ANKRD46: variants seen among roughly 807,000 people sequenced by gnomAD.
ANKRD46 encodes the protein ankyrin repeat domain 46.
Under a neutral mutation model 19.8 loss-of-function variants are expected in ANKRD46, and 13 were observed. The observed-to-expected ratio is 0.66, with a 90% CI of 0.43 to 1.04. ANKRD46 has a LOEUF of 1.04. ANKRD46 is among the 50% of genes least tolerant of loss of function. The pLI, the probability that ANKRD46 is intolerant of heterozygous loss-of-function variation, is 0.00. For missense variants in ANKRD46, 185 were observed against 274.8 expected (o/e 0.67, Z 2.31); for synonymous variants, 91 against 106.9 (o/e 0.85, Z 0.92).
chr8:100,521,056 C>G lies in ANKRD46; in HGVS notation c.*1499G>C, dbSNP rs769913228. The G allele has an allele frequency of 1.1e-4, 104 of 984,854 alleles. No individual in the cohort carries two copies. In the Middle Eastern group the frequency reaches 2.1e-3, roughly 20 times the overall value. The allele number at this position is 984,854 out of a possible 1,614,324, so 61.0% of individuals were successfully genotyped here. On this transcript the variant is annotated 3_prime_UTR_variant, in exon 5 of 5. Transcript: ENST00000335659. ...CAACTATGATTTACTTTGTTTGTAT[C>G]TAACCTAAAAGCAAGACTCTGCAAG...
chr8:100,536,961 G>T lies in ANKRD46; in HGVS notation c.-130-3650C>A, dbSNP rs146355293. On this transcript the variant is annotated intron_variant, in intron 1 of 4. Coordinates refer to ENST00000335659, the MANE Select transcript of ANKRD46 (RefSeq NM_001270377.2). The surrounding 1 kb of genome is among the most constrained non-coding windows in gnomAD (Gnocchi z 4.9). ...CACATGACGCAGTCACTTAGATCGC[G>T]GCAACAAGAGCTTCTTATGTCAACC... Among the ~76,000 whole-genome samples, 2 of 152,226 alleles carry T rather than the reference G, an allele frequency of 1.3e-5. No individual in the cohort carries two copies. The highest frequency in any genetic ancestry group is 4.8e-5 in the African/African-American group (2 of 41,534).
In ANKRD46 at chr8:100,510,689, G is replaced by C. The variant is rs895301196; in HGVS notation, c.637-50C>G. On this transcript the variant is annotated intron_variant, in intron 5 of 5. Coordinates refer to the ANKRD46 transcript ENST00000520552. The surrounding 1 kb of genome is among the most constrained non-coding windows in gnomAD (Gnocchi z 4.9). Reference sequence around the variant, plus strand: ...AAAAAAAAAAAAAAATCCCAGTTCTGTTAAGCTGCAGAGATGTGCCAGGAC... The same window carrying C: ...AAAAAAAAAAAAAAATCCCAGTTCTCTTAAGCTGCAGAGATGTGCCAGGAC... The C allele has an allele frequency of 1.4e-6, 2 of 1,446,520 alleles. No homozygotes were observed. The highest frequency in any genetic ancestry group is 9.3e-7 in the Non-Finnish European group (1 of 1,071,754). 89.6% of individuals were successfully genotyped at this position (1,446,520 alleles called of 1,614,324 possible).
rs1010883635 is a variant in ANKRD46 at position 100,544,877 on chromosome 8, ACT to A, written c.-130-11568_-130-11567del. 1.3e-5 allele frequency among the ~76,000 whole-genome samples: 2 copies of A among 152,158 alleles called. No individual in the cohort carries two copies. The highest frequency in any genetic ancestry group is 4.8e-5 in the African/African-American group (2 of 41,440). ...GGGGTCAGAGGCAACAATGGGAGCA[ACT>A]CATAGAGTCTGGTGCTCTTCACAGA... is the stretch of plus-strand genomic sequence containing the variant. On this transcript the variant is annotated intron_variant, in intron 1 of 4. Coordinates refer to ENST00000335659, the MANE Select transcript of ANKRD46 (RefSeq NM_001270377.2). The surrounding 1 kb of genome is among the most constrained non-coding windows in gnomAD (Gnocchi z 4.4).
rs150808097 is a variant in ANKRD46, at chr8:100,543,567, A to C, written c.-130-10256T>G. Among the ~76,000 whole-genome samples the C allele has an allele frequency of 3.6e-3, 547 of 152,338 alleles. 7 individuals are homozygous for C. The highest frequency in any genetic ancestry group is 0.013 in the African/African-American group (521 of 41,574). ...ATTATGATTTAAAAATTATTCTTTA[A>C]AATGCTGTCAGAAGATAATGGCTTC... On this transcript the variant is annotated intron_variant, in intron 1 of 4. Transcript: ENST00000335659. This position sits in a 1 kb window ranked among gnomAD's most constrained non-coding sequence, Gnocchi z 4.2.
At chr8:100,516,703 C>A (rs546675934), downstream of ANKRD46, among the ~76,000 whole-genome samples, 4 of 152,170 alleles carry the variant, frequency 2.6e-5, no homozygotes, top group Admixed American at 2.6e-4. Flanking sequence ...ATGAATTCTA[C>A]CTGATCAATT....
chr8:100,528,050 TC>T, intron 3 of ANKRD46, 47 bp from the exon 4 acceptor site: 1 of 1,461,608 alleles, frequency 6.8e-7, no homozygotes. Context: ...AAAGAAGCCA[TC>T]ATAGCAGTTA....
intron 2 of ANKRD46, among the ~76,000 whole-genome samples, chr8:100,530,424 C>A (rs1811935778): frequency 6.6e-6 from 1 of 151,080 alleles, no homozygotes; most frequent in African/African-American, 2.4e-5. Context: ...CGCTCTATTG[C>A]CCAGGCTGGA....
rs901139746 is a variant in ANKRD46, at chr8:100,524,402, A to G, written c.471-1631T>C. Among the ~76,000 whole-genome samples, 3 of 152,196 alleles carry G rather than the reference A, an allele frequency of 2.0e-5. No individual in the cohort carries two copies. Among genetic ancestry groups the G allele is most frequent in the Admixed American group, 6.5e-5 (1 of 15,282 alleles). The stretch of plus-strand genomic sequence containing the variant: ...ACCTACAACTTTATTTTACTTCTTG[A>G]TACCATCAAACAAAAGTCCTTCAGC... On this transcript the variant is annotated intron_variant, in intron 4 of 4. Transcript: ENST00000335659. This position sits in a 1 kb window ranked among gnomAD's most constrained non-coding sequence, Gnocchi z 4.3.
chr8:100,550,416 T>C lies in ANKRD46; in HGVS notation c.-131+9295A>G, dbSNP rs539849601. 5 of 152,526 alleles carry C rather than the reference T, an allele frequency of 3.3e-5. No individual in the cohort carries two copies. The highest frequency in any genetic ancestry group is 1.2e-4 in the African/African-American group (5 of 41,592). 9.4% of individuals were successfully genotyped at this position (152,526 alleles called of 1,614,324 possible). ...TAATTTGCATTTCCCTGATGACATA[T>C]GACGTGGAGCATCTTTTTCATATGT... On this transcript the variant is annotated intron_variant, in intron 1 of 4. Coordinates refer to ENST00000335659, the MANE Select transcript of ANKRD46 (RefSeq NM_001270377.2). This position sits in a 1 kb window ranked among gnomAD's most constrained non-coding sequence, Gnocchi z 4.4.
downstream of ANKRD46, among the ~76,000 whole-genome samples, chr8:100,516,391 T>C (rs761603214): frequency 2.6e-5 from 4 of 152,238 alleles, no homozygotes; most frequent in Non-Finnish European, 2.9e-5. Context: ...CAACAAAGTA[T>C]TGTTTCAAAT....
chr8:100,537,564 A>C lies in ANKRD46; in HGVS notation c.-130-4253T>G, dbSNP rs1812088971. Among the ~76,000 whole-genome samples, 1 of 152,238 alleles carries C rather than the reference A, an allele frequency of 6.6e-6. No homozygotes were observed. Among genetic ancestry groups the C allele is most frequent in the Non-Finnish European group, 1.5e-5 (1 of 68,042 alleles). ...CAGCTGTTTCAAAATATAATCTCAG[A>C]GAACTATAAAACAAAAATTTCCAAT... On this transcript the variant is annotated intron_variant, in intron 1 of 4. Transcript: ENST00000335659. The surrounding 1 kb of genome is among the most constrained non-coding windows in gnomAD (Gnocchi z 4.2).
chr8:100,543,742 AAAAC>A lies in ANKRD46; in HGVS notation c.-130-10435_-130-10432del, dbSNP rs1228415431. ...AGAGAAGTATAAGAAAAGACACACA[AAAAC>A]AAATTAAAGGCAAACTTTCAGGTTT... On this transcript the variant is annotated intron_variant, in intron 1 of 4. Coordinates refer to ENST00000335659, the MANE Select transcript of ANKRD46 (RefSeq NM_001270377.2). This position sits in a 1 kb window ranked among gnomAD's most constrained non-coding sequence, Gnocchi z 4.2. Among the ~76,000 whole-genome samples, 1 of 152,168 alleles carries A rather than the reference AAAAC, an allele frequency of 6.6e-6. No homozygotes were observed. Among genetic ancestry groups the A allele is most frequent in the African/African-American group, 2.4e-5 (1 of 41,446 alleles).
chr8:100,537,711 G>A lies in ANKRD46; in HGVS notation c.-130-4400C>T, dbSNP rs528415651. On this transcript the variant is annotated intron_variant, in intron 1 of 4. Transcript: ENST00000335659. This position sits in a 1 kb window ranked among gnomAD's most constrained non-coding sequence, Gnocchi z 4.2. ...ATGTTGAAAAGAAATTTAGCTGTGA[G>A]CAAGTAAGAATTTTAACAATTTAAA... Among the ~76,000 whole-genome samples the A allele has an allele frequency of 2.6e-5, 4 of 152,278 alleles. No individual in the cohort carries two copies. The highest frequency in any genetic ancestry group is 4.4e-5 in the Non-Finnish European group (3 of 68,018).
At chr8:100,528,127 C>CT in intron 3 of ANKRD46, 124 bp from the exon 4 acceptor site, 1 of 1,071,230 alleles carries the variant, frequency 9.3e-7, no homozygotes, top group Non-Finnish European at 1.3e-6. Flanking sequence ...AGAATGGGCC[C>CT]AATTAGGGCC....
intron 1 of ANKRD46, among the ~76,000 whole-genome samples, chr8:100,554,333 C>G (rs946479179): frequency 6.6e-6 from 1 of 152,160 alleles, no homozygotes; most frequent in Non-Finnish European, 1.5e-5. Flanking sequence ...AAAGTATCTA[C>G]TTTGGAAAAT....
Position 100,510,872 on chromosome 8 carries a change from T to C in ANKRD46, c.637-233A>G, listed in dbSNP as rs1425378655. Among the ~76,000 whole-genome samples, 2 of 152,178 alleles carry C rather than the reference T, an allele frequency of 1.3e-5. No homozygotes were observed. The highest frequency in any genetic ancestry group is 4.8e-5 in the African/African-American group (2 of 41,440). On this transcript the variant is annotated intron_variant, in intron 5 of 5. Coordinates refer to the ANKRD46 transcript ENST00000520552. This position sits in a 1 kb window ranked among gnomAD's most constrained non-coding sequence, Gnocchi z 4.9. ...GAAGATTGGCAAGGACTGTGTTCAA[T>C]GTCCTCTCGAGCTAATAATTAAGGT...
intron 1 of ANKRD46, among the ~76,000 whole-genome samples, chr8:100,558,743 C>G (rs905531704): frequency 3.9e-5 from 6 of 152,092 alleles, no homozygotes; most frequent in African/African-American, 1.4e-4. Flanking sequence ...GAGACCAAAT[C>G]TCGCTCAGCC....
downstream of ANKRD46, among the ~76,000 whole-genome samples, chr8:100,517,038 C>T (rs1006609205): frequency 6.6e-6 from 1 of 152,198 alleles, no homozygotes; most frequent in African/African-American, 2.4e-5. Context: ...AACCCTGCCT[C>T]AAATGCCTTA....
Position 100,511,436 on chromosome 8 carries a change from T to TTGTG in ANKRD46, c.637-801_637-798dup, listed in dbSNP as rs112670071. On this transcript the variant is annotated intron_variant, in intron 5 of 5. Coordinates refer to the ANKRD46 transcript ENST00000520552. The surrounding 1 kb of genome is among the most constrained non-coding windows in gnomAD (Gnocchi z 4.1). ...GGTAAATGGTGAGGTAGACACCAAG[T>TTGTG]TGTGTGTGTGTGTGTGTGTGTGTGT... Among the ~76,000 whole-genome samples, 1,125 of 148,528 alleles carry TTGTG rather than the reference T, an allele frequency of 7.6e-3. 16 individuals carry two copies. The highest frequency in any genetic ancestry group is 0.026 in the African/African-American group (1,037 of 40,566).
Sources: allele counts gnomAD v4.1 joint callset (sites outside exome capture counted in the v4.1 genomes callset), GRCh38; gene constraint gnomAD v4.1.1; non-coding constraint Gnocchi (gnomAD v3.1); transcripts MANE v1.5; gene names NCBI Gene and HGNC (gene_info 2026-07-23, HGNC 2026-07-21).